Variants in MTR observed in about 807,000 individuals in gnomAD.
The protein encoded by MTR is 5-methyltetrahydrofolate-homocysteine methyltransferase.
A neutral mutation model predicts 154.8 loss-of-function variants in MTR; 84 were observed. The ratio of observed to expected loss-of-function variants is 0.54; its 90% CI spans 0.45 to 0.65. The LOEUF (loss-of-function observed/expected upper bound fraction) is 0.65. Ranked by LOEUF, MTR falls within the 30% of genes least tolerant of loss-of-function variation. The pLI is 0.00. For synonymous variants in MTR, 554 were observed against 553.9 expected (o/e 1.00, Z 0.00); for missense variants, 1,275 against 1,570.2 (o/e 0.81, Z 3.18).
At chr1:236,831,926 T>C in intron 12 of MTR, 40 bp from the exon 13 acceptor site, 1 of 1,414,614 alleles carries the variant, frequency 7.1e-7, no homozygotes, top group East Asian at 2.3e-5. Flanking sequence ...GTCATCCATA[T>C]GCATTTGCAG....
At chr1:236,852,423 G>GTTTTTTTT in intron 16 of MTR, 98 bp from the exon 17 acceptor site, 5 of 875,636 alleles carry the variant, frequency 5.7e-6, no homozygotes, top group Non-Finnish European at 5.7e-6. Context: ...GATGCTTTTT[G>GTTTTTTTT]TTTTTTTTTC....
intron 28 of MTR, 144 bp downstream of exon 28, chr1:236,889,480 A>G (rs1572338928): frequency 9.6e-7 from 1 of 1,046,108 alleles, no homozygotes; most frequent in Non-Finnish European, 1.4e-6. Flanking sequence ...CCAACTTTTT[A>G]ATGGTTTTCA....
intron 24 of MTR, among the ~76,000 whole-genome samples, chr1:236,875,178 C>G (rs1665361839): frequency 6.6e-6 from 1 of 152,204 alleles, no homozygotes. Context: ...AGTGGAGAAG[C>G]TGTGTTTTTT....
At chr1:236,803,889 TG>T (rs1432178007) in intron 2 of MTR, among the ~76,000 whole-genome samples, 1 of 152,240 alleles carries the variant, frequency 6.6e-6, no homozygotes, top group Non-Finnish European at 1.5e-5. Flanking sequence ...TATGAGAATC[TG>T]GACAAATAAG....
intron 15 of MTR, among the ~76,000 whole-genome samples, chr1:236,840,868 G>T (rs1663189941): frequency 1.3e-5 from 2 of 152,222 alleles, no homozygotes; most frequent in South Asian, 4.1e-4. Flanking sequence ...TTTTTTTAGA[G>T]TCAGTTCATT....
chr1:236,880,710 T>A, intron 24 of MTR, 45 bp from the exon 25 acceptor site: 1 of 1,444,408 alleles, frequency 6.9e-7, no homozygotes, highest in South Asian at 1.1e-5. Context: ...GTATAGGAAC[T>A]GTCAGTGCTG....
chr1:236,851,116 T>G lies in MTR; in HGVS notation c.1695+593T>G, dbSNP rs535977039. Among the ~76,000 whole-genome samples, 6 of 152,326 alleles carry G rather than the reference T, an allele frequency of 3.9e-5. No homozygotes were observed. In the East Asian group the frequency reaches 1.2e-3, roughly 29 times the overall value. On this transcript the variant is annotated intron_variant, in intron 16 of 32. Transcript: ENST00000366577. The stretch of plus-strand genomic sequence containing the variant: ...TGCAAATTCATGTACTTACTGAAAT[T>G]TATTTGTGACCCCAAAATCAATACT...
chr1:236,861,014 C>T, intron 19 of MTR, 111 bp from the exon 20 acceptor site: 1 of 915,414 alleles, frequency 1.1e-6, no homozygotes, highest in Non-Finnish European at 1.6e-6. Flanking sequence ...GCTTCTGGAA[C>T]CTGTGCTGTT....
rs1026769612 is a variant in MTR, at chr1:236,819,775, A to G, written c.764+3232A>G. Reference sequence around the variant, plus strand: ...TATAAAAGGAAAAATGATGGGATCTACATCATAAATCTGAAGAGGACCTGG... The same window carrying G: ...TATAAAAGGAAAAATGATGGGATCTGCATCATAAATCTGAAGAGGACCTGG... On this transcript the variant is annotated intron_variant, in intron 8 of 32. Transcript: ENST00000366577. The G allele has an allele frequency of 1.2e-5, 9 of 757,412 alleles. No homozygotes were observed. The African/African-American group carries it at 1.2e-4, about 10-fold the overall frequency. The allele number at this position is 757,412 out of a possible 1,614,324, so 46.9% of individuals were successfully genotyped here.
chr1:236,841,517 C>T (rs1663233778), intron 15 of MTR, among the ~76,000 whole-genome samples: 1 of 152,220 alleles, frequency 6.6e-6, no homozygotes. Flanking sequence ...CCCTCCAAGT[C>T]TTCTGACATG....
chr1:236,810,717 C>T (rs1661252633), intron 5 of MTR, 122 bp downstream of exon 5: 2 of 830,712 alleles, frequency 2.4e-6, no homozygotes, highest in African/African-American at 1.7e-5. Flanking sequence ...TGATTTAATC[C>T]ATGTAAAACG....
In MTR at chr1:236,891,322, G is replaced by A. The variant is rs1204348273; in HGVS notation, c.3197G>A (p.Arg1066Lys). ...AEPIATFYGL[R>K]QQAEKDSAST... ...CCCATAGCCACCTTCTATGGGTTAA[G>A]GCAACAGGTATGGAAGGTGTACTGA... Residue 1066 changes from arginine to lysine, a missense_variant, in exon 29 of 33, where the codon AGG becomes AAG. Coordinates refer to ENST00000366577, the MANE Select transcript of MTR (RefSeq NM_000254.3). 6.2e-7 allele frequency: 1 copy of A among 1,613,940 alleles called. No individual in the cohort carries two copies. Among genetic ancestry groups the A allele is most frequent in the African/African-American group, 1.3e-5 (1 of 74,902 alleles).
chr1:236,834,909 A>G (rs980101769), intron 13 of MTR, among the ~76,000 whole-genome samples: 1 of 152,214 alleles, frequency 6.6e-6, no homozygotes, highest in Admixed American at 6.5e-5. Flanking sequence ...AGTGCATTAA[A>G]TAATTTGAAA....
chr1:236,824,058 CTT>C, intron 8 of MTR, 59 bp from the exon 9 acceptor site: 3 of 1,348,568 alleles, frequency 2.2e-6, no homozygotes, highest in Non-Finnish European at 3.2e-6. Flanking sequence ...CCATATATAA[CTT>C]ATATGCATAA....
At chr1:236,817,135 CTATTTA>C (rs1661640951) in intron 8 of MTR, among the ~76,000 whole-genome samples, 1 of 152,140 alleles carries the variant, frequency 6.6e-6, no homozygotes, top group African/African-American at 2.4e-5. Context: ...AAATAACTCC[CTATTTA>C]TATTTTATTT....
intron 6 of MTR, among the ~76,000 whole-genome samples, chr1:236,814,968 A>G (rs1661503258): frequency 6.6e-6 from 1 of 152,240 alleles, no homozygotes; most frequent in South Asian, 2.1e-4. Context: ...AAACATACAT[A>G]TCTTAGAATC....
chr1:236,826,940 A>G, intron 11 of MTR, 44 bp downstream of exon 11: 1 of 1,528,386 alleles, frequency 6.5e-7, no homozygotes, highest in Non-Finnish European at 9.1e-7. Context: ...CAAGTGGATA[A>G]TCAGGTAATA....
chr1:236,878,488 C>T (rs866858073), intron 24 of MTR, among the ~76,000 whole-genome samples: 5 of 152,080 alleles, frequency 3.3e-5, no homozygotes, highest in African/African-American at 1.2e-4. Context: ...CCCCAAGATA[C>T]TCGAAATGAA....
At position 236,901,521 on chromosome 1, in the gene MTR, C is replaced by T. The variant is rs1356674864; in HGVS notation, c.*3877C>T. 6.6e-6 allele frequency: 1 copy of T among 152,352 alleles called. No homozygotes were observed. Among genetic ancestry groups the T allele is most frequent in the Non-Finnish European group, 1.5e-5 (1 of 68,074 alleles). The allele number at this position is 152,352 out of a possible 1,614,324, so 9.4% of individuals were successfully genotyped here. On this transcript the variant is annotated 3_prime_UTR_variant, in exon 33 of 33. Transcript: ENST00000366577. ...AGTAACACCATCAACCTGGGAGTTG[C>T]CCCTGACCCCTCCAGTCTTAGCTCC...
Sources: allele counts gnomAD v4.1 joint callset (sites outside exome capture counted in the v4.1 genomes callset), GRCh38; gene constraint gnomAD v4.1.1; transcripts MANE v1.5; gene names NCBI Gene and HGNC (gene_info 2026-07-23, HGNC 2026-07-21).